PARVB: variants seen among roughly 807,000 people sequenced by gnomAD.
The protein encoded by PARVB is parvin beta, also known as beta-parvin.
A neutral mutation model predicts 47.0 loss-of-function variants in PARVB; 46 were observed. The observed-to-expected ratio is 0.98, with a 90% CI of 0.77 to 1.25. PARVB has a LOEUF of 1.25. PARVB is among the 50% of genes most tolerant of loss of function. The pLI, the probability that PARVB is intolerant of heterozygous loss-of-function variation, is 0.00. For missense variants in PARVB, 473 were observed against 471.6 expected (o/e 1.00, Z -0.03); for synonymous variants, 196 against 196.3 (o/e 1.00, Z 0.01).
intron 1 of PARVB, among the ~76,000 whole-genome samples, chr22:44,072,793 A>T (rs947502354): frequency 6.6e-6 from 1 of 152,122 alleles, no homozygotes; most frequent in African/African-American, 2.4e-5. Flanking sequence ...CTGCTACAGG[A>T]TAGCCCAGAA....
chr22:44,159,223 A>G (rs2054000703), intron 11 of PARVB, among the ~76,000 whole-genome samples: 1 of 152,230 alleles, frequency 6.6e-6, no homozygotes, highest in Non-Finnish European at 1.5e-5. Context: ...AGGCCCCGAT[A>G]TGGCTGGTTG....
chr22:44,015,078 T>C (rs938446537), intron 2 of PARVB, among the ~76,000 whole-genome samples: 60 of 152,042 alleles, frequency 3.9e-4, no homozygotes, highest in African/African-American at 1.4e-3. Context: ...CTGAAACTCC[T>C]GGCCTCAAAT....
intron 2 of PARVB, among the ~76,000 whole-genome samples, chr22:44,019,099 T>C (rs1346609258): frequency 1.3e-5 from 2 of 152,038 alleles, no homozygotes; most frequent in Non-Finnish European, 2.9e-5. Flanking sequence ...GTATTTTTAG[T>C]AGAGACAGGG....
intron 10 of PARVB, among the ~76,000 whole-genome samples, chr22:44,156,479 C>A (rs1006779028): frequency 1.6e-4 from 25 of 152,148 alleles, no homozygotes; most frequent in East Asian, 5.8e-4. Context: ...GGGTTTCACC[C>A]TGTTGGTCAG....
chr22:44,090,524 G>A (rs771488155), intron 1 of PARVB, among the ~76,000 whole-genome samples: 1 of 152,222 alleles, frequency 6.6e-6, no homozygotes, highest in Admixed American at 6.5e-5. Context: ...CTTTCAAAAT[G>A]TGGCTTCTCT....
intron 2 of PARVB, among the ~76,000 whole-genome samples, chr22:44,005,103 T>C (rs1003778087): frequency 1.5e-4 from 23 of 152,124 alleles, no homozygotes; most frequent in African/African-American, 5.3e-4. Context: ...TTTATAGTTT[T>C]ATTTATTTAT....
intron 4 of PARVB, among the ~76,000 whole-genome samples, 188 bp downstream of exon 4, chr22:44,119,328 G>A (rs560283607): frequency 2.6e-5 from 4 of 152,298 alleles, no homozygotes; most frequent in African/African-American, 7.2e-5. Context: ...TCCCCTTGCC[G>A]TTTCTACAGA....
intron 3 of PARVB, among the ~76,000 whole-genome samples, chr22:44,101,185 G>A (rs559769813): frequency 0.013 from 1,980 of 152,056 alleles, 21 homozygotes; most frequent in Non-Finnish European, 0.019. Flanking sequence ...CGAGGCGGGC[G>A]GATCACGAGG....
intron 2 of PARVB, among the ~76,000 whole-genome samples, chr22:44,017,489 T>C (rs1258739067): frequency 1.3e-5 from 2 of 152,208 alleles, no homozygotes; most frequent in African/African-American, 2.4e-5. Context: ...AGACAGTTCC[T>C]CTTACAATTA....
At chr22:44,060,507 G>A (rs575977374) in intron 1 of PARVB, among the ~76,000 whole-genome samples, 2 of 152,122 alleles carry the variant, frequency 1.3e-5, no homozygotes, top group African/African-American at 4.8e-5. Flanking sequence ...TAAAAATCCT[G>A]GTGTGTCAGG....
chr22:44,170,432 A>T lies in PARVB; in HGVS notation c.*1754A>T, dbSNP rs1297148460. The T allele has an allele frequency of 6.6e-6, 1 of 152,164 alleles. No homozygotes were observed. The highest frequency in any genetic ancestry group is 2.1e-4 in the South Asian group (1 of 4,824). 9.4% of individuals were successfully genotyped at this position (152,164 alleles called of 1,614,324 possible). ...TCACATCAGAGGTGCTGGGGTTAGG[A>T]CTTCAGCATGTGGATTTGTGGGGGG... On this transcript the variant is annotated 3_prime_UTR_variant, in exon 13 of 13. Coordinates refer to ENST00000338758, the MANE Select transcript of PARVB (RefSeq NM_013327.5).
At chr22:44,164,769 A>G (rs1342707973) in intron 12 of PARVB, among the ~76,000 whole-genome samples, 3 of 152,144 alleles carry the variant, frequency 2.0e-5, no homozygotes, top group African/African-American at 7.2e-5. Context: ...TTGGGAGCCC[A>G]TGATGCTTCC....
chr22:44,048,804 C>T (rs959357938), intron 1 of PARVB, among the ~76,000 whole-genome samples: 2 of 152,130 alleles, frequency 1.3e-5, no homozygotes, highest in Admixed American at 6.6e-5. Context: ...TCATGATCCG[C>T]CTGCCTCGGC....
intron 7 of PARVB, chr22:44,139,001 A>G (rs753816316): frequency 1.3e-5 from 2 of 152,242 alleles, no homozygotes; most frequent in Non-Finnish European, 2.9e-5. Flanking sequence ...GTGCATGGAA[A>G]GGATCTGTGC....
intron 1 of PARVB, among the ~76,000 whole-genome samples, chr22:44,085,403 G>A (rs898547461): frequency 2.0e-5 from 3 of 152,022 alleles, no homozygotes; most frequent in African/African-American, 7.3e-5. Flanking sequence ...TCCGCTTCTC[G>A]GCTTCAAACT....
chr22:44,046,796 G>C (rs1423677678), intron 1 of PARVB, among the ~76,000 whole-genome samples: 1 of 152,226 alleles, frequency 6.6e-6, no homozygotes, highest in Non-Finnish European at 1.5e-5. Context: ...GCACAGTGTG[G>C]GGTGGCAGGA....
At chr22:44,100,690 C>T (rs1459917244) in intron 3 of PARVB, among the ~76,000 whole-genome samples, 1 of 152,154 alleles carries the variant, frequency 6.6e-6, no homozygotes, top group African/African-American at 2.4e-5. Context: ...CCTTCTTGGG[C>T]AGCGGCTGTC....
chr22:44,003,168 C>A (rs931924326), intron 2 of PARVB, among the ~76,000 whole-genome samples: 1 of 152,102 alleles, frequency 6.6e-6, no homozygotes, highest in East Asian at 1.9e-4. Flanking sequence ...ATTCTGACTT[C>A]GCAGGGTTGA....
chr22:44,063,330 G>A (rs1049319177), intron 1 of PARVB, among the ~76,000 whole-genome samples: 1 of 151,702 alleles, frequency 6.6e-6, no homozygotes, highest in East Asian at 1.9e-4. Context: ...GGGTTCAAGT[G>A]ATTCTCCTGC....
Sources: allele counts gnomAD v4.1 joint callset (sites outside exome capture counted in the v4.1 genomes callset), GRCh38; gene constraint gnomAD v4.1.1; transcripts MANE v1.5; gene names NCBI Gene and HGNC (gene_info 2026-07-23, HGNC 2026-07-21).